ROR2: variants seen among roughly 807,000 people sequenced by gnomAD.
ROR2 encodes the protein ROR family WNT receptor 2.
In ROR2, 33 loss-of-function variants were observed where a neutral mutation model predicts 74.9. The ratio of observed to expected loss-of-function variants is 0.44; its 90% confidence interval spans 0.33 to 0.59. The LOEUF is 0.59. Ranked by LOEUF, ROR2 falls within the 20% of genes least tolerant of loss-of-function variation. The probability of loss-of-function intolerance (pLI) is 0.02; values close to 1 mark genes in which losing one functional copy is unlikely to be tolerated. For synonymous variants in ROR2, 586 were observed against 558.7 expected, an observed-to-expected ratio of 1.05 and a Z score of -0.69; for missense variants, 1,216 against 1,313.8, an observed-to-expected ratio of 0.93 and a Z score of 1.15.
chr9:91,767,947 G>A (rs1484624606), intron 2 of ROR2, among the ~76,000 whole-genome samples: 1 of 152,228 alleles, frequency 6.6e-6, no homozygotes, highest in African/African-American at 2.4e-5. Context: ...CACTGCAGAT[G>A]TAACGAAGTT....
At chr9:91,725,646 C>T (rs1218183740) in intron 8 of ROR2, among the ~76,000 whole-genome samples, 1 of 152,198 alleles carries the variant, frequency 6.6e-6, no homozygotes, top group East Asian at 1.9e-4. Context: ...CCTCAATGGG[C>T]CTGTCCATGG....
chr9:91,907,727 G>A (rs891811091), intron 1 of ROR2, among the ~76,000 whole-genome samples: 4 of 152,152 alleles, frequency 2.6e-5, no homozygotes, highest in Admixed American at 1.3e-4. Flanking sequence ...TAAACAGAAG[G>A]CATATTATCA....
intron 1 of ROR2, among the ~76,000 whole-genome samples, chr9:91,895,823 G>A (rs1052585308): frequency 3.7e-4 from 56 of 152,304 alleles, no homozygotes; most frequent in African/African-American, 1.3e-3. Context: ...CAGCCTGGGC[G>A]GCTGAGCGAG....
At chr9:91,864,094 G>T (rs1460347215) in intron 1 of ROR2, among the ~76,000 whole-genome samples, 1 of 152,282 alleles carries the variant, frequency 6.6e-6, no homozygotes, top group Non-Finnish European at 1.5e-5. Flanking sequence ...TAAACTCCTG[G>T]ACCCCCTTAA....
intron 1 of ROR2, among the ~76,000 whole-genome samples, chr9:91,826,031 G>A (rs544696781): frequency 6.6e-6 from 1 of 152,214 alleles, no homozygotes; most frequent in Admixed American, 6.5e-5. Flanking sequence ...GCCTGCTGGC[G>A]ATTTGGACAA....
intron 1 of ROR2, among the ~76,000 whole-genome samples, chr9:91,808,409 C>T (rs770776683): frequency 3.6e-4 from 55 of 152,262 alleles, no homozygotes; most frequent in African/African-American, 1.0e-3. Flanking sequence ...CCGAGGCGGG[C>T]GGAAGAGGTC....
intron 1 of ROR2, among the ~76,000 whole-genome samples, chr9:91,844,819 G>A (rs899369389): frequency 2.0e-5 from 3 of 152,222 alleles, no homozygotes; most frequent in South Asian, 2.1e-4. Context: ...ACTCCCCCAC[G>A]GTATACAGAA....
chr9:91,738,238 T>C (rs1825102629), intron 4 of ROR2, among the ~76,000 whole-genome samples: 1 of 152,174 alleles, frequency 6.6e-6, no homozygotes, highest in Admixed American at 6.5e-5. Flanking sequence ...AGGGAAACTA[T>C]GAGAAGGAGG....
At chr9:91,896,626 G>A (rs1478290101) in intron 1 of ROR2, among the ~76,000 whole-genome samples, 1 of 152,116 alleles carries the variant, frequency 6.6e-6, no homozygotes, top group African/African-American at 2.4e-5. Flanking sequence ...CAAGAAATAA[G>A]AGACTTATCT....
At chr9:91,812,378 C>T (rs1364401303) in intron 1 of ROR2, among the ~76,000 whole-genome samples, 1 of 152,062 alleles carries the variant, frequency 6.6e-6, no homozygotes, top group Non-Finnish European at 1.5e-5. Flanking sequence ...ACAAATACAT[C>T]CTCAGGCTCC....
At chr9:91,919,104 G>A (rs747489700) in intron 1 of ROR2, among the ~76,000 whole-genome samples, 5 of 152,152 alleles carry the variant, frequency 3.3e-5, no homozygotes, top group African/African-American at 9.7e-5. Context: ...TTCCCAGGTA[G>A]ATTAGAAATC....
chr9:91,909,865 T>TA (rs1830927929), intron 1 of ROR2, among the ~76,000 whole-genome samples: 1 of 125,892 alleles, frequency 7.9e-6, no homozygotes, highest in Non-Finnish European at 1.6e-5. Context: ...TTTTTTTTTT[T>TA]TTTTTTAGTT....
intron 2 of ROR2, among the ~76,000 whole-genome samples, chr9:91,768,373 T>C (rs1826123938): frequency 6.6e-6 from 1 of 152,166 alleles, no homozygotes; most frequent in Non-Finnish European, 1.5e-5. Flanking sequence ...AGTTAAGACC[T>C]ACACACAGGT....
intron 2 of ROR2, among the ~76,000 whole-genome samples, chr9:91,775,481 CT>C (rs1408824635): frequency 2.0e-5 from 3 of 152,164 alleles, no homozygotes; most frequent in African/African-American, 7.2e-5. Context: ...CGCTCAGGCC[CT>C]TTCCCCATCT....
intron 1 of ROR2, among the ~76,000 whole-genome samples, chr9:91,826,628 A>G (rs1828299067): frequency 6.6e-6 from 1 of 151,900 alleles, no homozygotes; most frequent in South Asian, 2.1e-4. Flanking sequence ...AAAAATACAA[A>G]AAGAAATTAG....
intron 1 of ROR2, among the ~76,000 whole-genome samples, chr9:91,893,152 C>G (rs1288153739): frequency 3.9e-5 from 6 of 152,168 alleles, no homozygotes; most frequent in Non-Finnish European, 7.3e-5. Flanking sequence ...CAGGACACCT[C>G]TGATGGCTAG....
intron 4 of ROR2, among the ~76,000 whole-genome samples, chr9:91,740,525 C>G (rs531599752): frequency 1.4e-5 from 2 of 147,276 alleles, no homozygotes; most frequent in African/African-American, 5.2e-5. Context: ...GCACTCCAGC[C>G]TGGGTGACAA....
At chr9:91,947,440 A>C (rs1198169760) in intron 1 of ROR2, among the ~76,000 whole-genome samples, 1 of 152,230 alleles carries the variant, frequency 6.6e-6, no homozygotes, top group Non-Finnish European at 1.5e-5. Context: ...AATAAGAAAA[A>C]TATGTTGCCT....
intron 1 of ROR2, among the ~76,000 whole-genome samples, chr9:91,776,044 C>CG (rs1826411219): frequency 6.6e-6 from 1 of 152,118 alleles, no homozygotes; most frequent in African/African-American, 2.4e-5. Context: ...ATAGCAAATG[C>CG]GGGGGCTTTG....
Sources: gnomAD v4.1 joint callset for allele counts (sites outside exome capture counted in the v4.1 genomes callset) on GRCh38, gnomAD v4.1.1 for gene constraint, MANE v1.5 for transcripts, NCBI Gene and HGNC (gene_info 2026-07-23, HGNC 2026-07-21) for gene names.